KCNJ10: variants seen among roughly 807,000 people sequenced by gnomAD.
KCNJ10 encodes the protein potassium inwardly rectifying channel subfamily J member 10, also known as ATP-sensitive inward rectifier potassium channel 10.
A neutral mutation model predicts 22.2 loss-of-function variants in KCNJ10; 9 were observed. The ratio of observed to expected loss-of-function variants is 0.40; its 90% confidence interval spans 0.24 to 0.71. KCNJ10 has a LOEUF of 0.71. Ranked by LOEUF, KCNJ10 falls within the 30% of genes least tolerant of loss-of-function variation. KCNJ10 has a pLI of 0.35. For missense variants in KCNJ10, 337 were observed against 482.7 expected (o/e 0.70, Z 2.83); for synonymous variants, 184 against 187.3 (o/e 0.98, Z 0.15).
At chr1:160,048,722 C>T (rs1648809248) in intron 1 of KCNJ10, among the ~76,000 whole-genome samples, 1 of 152,232 alleles carries the variant, frequency 6.6e-6, no homozygotes, top group Non-Finnish European at 1.5e-5. Context: ...CTACCCATTA[C>T]CCACACTCAA....
intron 1 of KCNJ10, among the ~76,000 whole-genome samples, chr1:160,042,966 T>C (rs909007599): frequency 6.7e-5 from 10 of 148,286 alleles, no homozygotes; most frequent in Non-Finnish European, 1.3e-4. Context: ...TAAAATAAAA[T>C]AAAATAAAAT....
At chr1:160,043,385 G>C (rs927669903) in intron 1 of KCNJ10, among the ~76,000 whole-genome samples, 5 of 151,366 alleles carry the variant, frequency 3.3e-5, no homozygotes, top group African/African-American at 1.2e-4. Flanking sequence ...ATACTCATCT[G>C]GTTCAGAGAA....
chr1:160,056,627 A>G (rs2101931944), intron 1 of KCNJ10, among the ~76,000 whole-genome samples: 1 of 152,264 alleles, frequency 6.6e-6, no homozygotes, highest in African/African-American at 2.4e-5. Flanking sequence ...TTCCCGGGAC[A>G]TTTGCCACAT....
intron 1 of KCNJ10, among the ~76,000 whole-genome samples, chr1:160,054,531 T>A (rs1648978211): frequency 6.6e-6 from 1 of 152,240 alleles, no homozygotes; most frequent in Non-Finnish European, 1.5e-5. Context: ...CTTGTTGCTA[T>A]TGTTATTCCT....
At chr1:160,066,748 G>T (rs748193880) in intron 1 of KCNJ10, among the ~76,000 whole-genome samples, 1 of 152,208 alleles carries the variant, frequency 6.6e-6, no homozygotes, top group East Asian at 1.9e-4. Context: ...CCCAGGGGAG[G>T]CCCCTGACAG....
At chr1:160,068,832 C>T (rs1328290415) in intron 1 of KCNJ10, among the ~76,000 whole-genome samples, 1 of 152,150 alleles carries the variant, frequency 6.6e-6, no homozygotes, top group Non-Finnish European at 1.5e-5. Context: ...GCTGCCCACC[C>T]CTCCTGGGGC....
chr1:160,043,576 G>C (rs1304656578), intron 1 of KCNJ10, among the ~76,000 whole-genome samples: 1 of 152,190 alleles, frequency 6.6e-6, no homozygotes, highest in Non-Finnish European at 1.5e-5. Flanking sequence ...AATAAGCAGT[G>C]GTGGAGGAGA....
At chr1:160,066,269 C>A (rs956059680) in intron 1 of KCNJ10, among the ~76,000 whole-genome samples, 1 of 152,120 alleles carries the variant, frequency 6.6e-6, no homozygotes, top group Non-Finnish European at 1.5e-5. Context: ...GGTGTGGAGA[C>A]CCCACCTCAA....
intron 1 of KCNJ10, among the ~76,000 whole-genome samples, chr1:160,053,075 C>A (rs540743516): frequency 1.4e-4 from 21 of 152,292 alleles, no homozygotes; most frequent in African/African-American, 4.8e-4. Context: ...CTCTCCTCTG[C>A]CTTTCAGGAC....
At chr1:160,045,266 T>C (rs1648718037) in intron 1 of KCNJ10, among the ~76,000 whole-genome samples, 2 of 152,234 alleles carry the variant, frequency 1.3e-5, no homozygotes, top group African/African-American at 4.8e-5. Flanking sequence ...AGCTTCATCT[T>C]TGGCCTTGCC....
intron 1 of KCNJ10, among the ~76,000 whole-genome samples, chr1:160,043,735 C>A (rs1648673423): frequency 6.6e-6 from 1 of 152,218 alleles, no homozygotes; most frequent in East Asian, 1.9e-4. Flanking sequence ...TGCACAGGCT[C>A]AAATTCAGTA....
chr1:160,040,819 TG>T lies in KCNJ10; in HGVS notation c.*573del. 1 of 385,506 alleles carries T rather than the reference TG, an allele frequency of 2.6e-6. No individual in the cohort carries two copies. The allele number at this position is 385,506 out of a possible 1,614,324, so 23.9% of individuals were successfully genotyped here. A position where few individuals can be genotyped will look rare whatever the true frequency, so the allele number is the denominator to read the frequency against. The stretch of plus-strand genomic sequence containing the variant: ...CAGTGGCGACCATGGTTCTAGCTTA[TG>T]GTCAGAAGTCACCAGCAGAAATCAA... On this transcript the variant is annotated 3_prime_UTR_variant, in exon 2 of 2. Transcript: ENST00000644903.
chr1:160,055,016 C>T (rs1648993176), intron 1 of KCNJ10, among the ~76,000 whole-genome samples: 1 of 152,148 alleles, frequency 6.6e-6, no homozygotes, highest in Non-Finnish European at 1.5e-5. Context: ...TCCCCAGTCC[C>T]CTGGGGCCAC....
chr1:160,052,126 TA>T (rs925031729), intron 1 of KCNJ10, among the ~76,000 whole-genome samples: 27 of 152,322 alleles, frequency 1.8e-4, no homozygotes, highest in African/African-American at 5.8e-4. Context: ...TTCTTCTCCC[TA>T]CTTCTTCCCT....
In KCNJ10 at chr1:160,050,228, G is replaced by C. The variant is rs147607285; in HGVS notation, c.1-7696C>G. Among the ~76,000 whole-genome samples, 960 of 151,976 alleles carry C rather than the reference G, an allele frequency of 6.3e-3. 15 individuals are homozygous for C. Among genetic ancestry groups the C allele is most frequent in the African/African-American group, 0.022 (927 of 41,448 alleles). ...GGCTCACTGCAGCCTCGACCTCCTG[G>C]GCTCAAGTGATTCTACTACCTCATC... On this transcript the variant is annotated intron_variant, in intron 1 of 1. Transcript: ENST00000644903.
chr1:160,055,037 G>A (rs974152141), intron 1 of KCNJ10, among the ~76,000 whole-genome samples: 1 of 152,168 alleles, frequency 6.6e-6, no homozygotes, highest in Non-Finnish European at 1.5e-5. Flanking sequence ...CCTTGCCTGC[G>A]CAGTTGCCTG....
intron 1 of KCNJ10, among the ~76,000 whole-genome samples, chr1:160,068,447 C>T (rs1228544306): frequency 6.6e-6 from 1 of 152,098 alleles, no homozygotes; most frequent in Admixed American, 6.5e-5. Context: ...GCCCAGATCA[C>T]CCCCCAACAC....
intron 1 of KCNJ10, among the ~76,000 whole-genome samples, chr1:160,064,000 T>C (rs924099388): frequency 6.6e-6 from 1 of 152,234 alleles, no homozygotes; most frequent in Non-Finnish European, 1.5e-5. Flanking sequence ...AATTTGCCCA[T>C]GGCCACATAG....
chr1:160,062,005 C>T (rs1035847621), intron 1 of KCNJ10, among the ~76,000 whole-genome samples: 9 of 151,560 alleles, frequency 5.9e-5, no homozygotes, highest in African/African-American at 2.2e-4. Context: ...GCATACGGAA[C>T]CGAGAAGTGG....
Sources: allele counts gnomAD v4.1 joint callset (sites outside exome capture counted in the v4.1 genomes callset), GRCh38; gene constraint gnomAD v4.1.1; transcripts MANE v1.5; gene names NCBI Gene and HGNC (gene_info 2026-07-23, HGNC 2026-07-21).